The following DLG2 variants were observed in gnomAD, a reference collection of about 807,000 sequenced individuals.
DLG2 encodes the protein disks large homolog 2.
DLG2 carries 45 observed loss-of-function variants against 132.5 expected under a neutral mutation model. The observed-to-expected ratio is 0.34, with a 90% CI of 0.27 to 0.44. DLG2 has a LOEUF of 0.44. DLG2 is among the 20% of genes least tolerant of loss of function. The pLI, the probability that DLG2 is intolerant of heterozygous loss-of-function variation, is 1.00. For synonymous variants in DLG2, 424 were observed against 419.6 expected (o/e 1.01, Z -0.13); for missense variants, 1,045 against 1,196.9 (o/e 0.87, Z 1.87).
intron 8 of DLG2, among the ~76,000 whole-genome samples, chr11:84,172,436 A>G (rs71468362): frequency 0.057 from 8,665 of 152,220 alleles, 305 homozygotes; most frequent in African/African-American, 0.089. Context: ...TCTTAATTAC[A>G]AAAACTTCCG....
At chr11:84,333,861 GAAT>G (rs1210577716) in intron 7 of DLG2, among the ~76,000 whole-genome samples, 3 of 152,296 alleles carry the variant, frequency 2.0e-5, no homozygotes, top group African/African-American at 7.2e-5. Flanking sequence ...AAGTGCCTGA[GAAT>G]ATTATTGTCA....
At chr11:83,771,805 G>C (rs1388858969) in intron 18 of DLG2, among the ~76,000 whole-genome samples, 1 of 152,140 alleles carries the variant, frequency 6.6e-6, no homozygotes, top group Non-Finnish European at 1.5e-5. Context: ...TCTTCTGAGT[G>C]ACCTTCAACA....
chr11:84,390,601 A>G (rs1428607561), intron 7 of DLG2, among the ~76,000 whole-genome samples: 1 of 152,140 alleles, frequency 6.6e-6, no homozygotes. Flanking sequence ...AGCAGCATCT[A>G]TGGAATGTGA....
intron 19 of DLG2, among the ~76,000 whole-genome samples, chr11:83,583,029 G>T (rs1410447730): frequency 1.3e-5 from 2 of 152,184 alleles, no homozygotes; most frequent in Non-Finnish European, 2.9e-5. Flanking sequence ...AGGGTGTCTG[G>T]CTCTAAAGCT....
chr11:85,395,679 G>A (rs530293820), intron 3 of DLG2, among the ~76,000 whole-genome samples: 5 of 152,032 alleles, frequency 3.3e-5, no homozygotes, highest in Admixed American at 3.3e-4. Context: ...AGATTGACCT[G>A]CAATGCTGCA....
At chr11:84,045,234 G>A (rs1039152845) in intron 11 of DLG2, among the ~76,000 whole-genome samples, 10 of 151,530 alleles carry the variant, frequency 6.6e-5, no homozygotes, top group African/African-American at 2.4e-4. Context: ...TATGTGCTGG[G>A]TAACATATGC....
At chr11:85,069,879 A>C (rs920266319) in intron 6 of DLG2, among the ~76,000 whole-genome samples, 2 of 152,248 alleles carry the variant, frequency 1.3e-5, no homozygotes, top group African/African-American at 2.4e-5. Context: ...CACTATTCAC[A>C]ATAGCAAAGA....
At chr11:85,182,060 T>C (rs1466015964) in intron 4 of DLG2, among the ~76,000 whole-genome samples, 1 of 152,014 alleles carries the variant, frequency 6.6e-6, no homozygotes, top group Non-Finnish European at 1.5e-5. Flanking sequence ...TTTTTATTTT[T>C]TGAATACATT....
At chr11:84,976,830 T>C (rs532525236) in intron 6 of DLG2, among the ~76,000 whole-genome samples, 11 of 152,312 alleles carry the variant, frequency 7.2e-5, no homozygotes, top group Non-Finnish European at 1.3e-4. Context: ...AATTTTTCTA[T>C]ATTTTAATCG....
chr11:84,176,846 C>T, intron 8 of DLG2, among the ~76,000 whole-genome samples: 1 of 152,068 alleles, frequency 6.6e-6, no homozygotes, highest in East Asian at 1.9e-4. Context: ...AAGCATAGCT[C>T]ACTGCTGCTT....
chr11:84,893,221 G>C (rs1319496718), intron 6 of DLG2, among the ~76,000 whole-genome samples: 1 of 152,212 alleles, frequency 6.6e-6, no homozygotes, highest in South Asian at 2.1e-4. Context: ...GAGCTTGTAG[G>C]ATCAAGGGGA....
At chr11:84,645,050 A>G (rs1335010300) in intron 6 of DLG2, among the ~76,000 whole-genome samples, 3 of 152,190 alleles carry the variant, frequency 2.0e-5, no homozygotes, top group African/African-American at 7.2e-5. Context: ...TGGAAAATTT[A>G]CCGAAGAGTT....
chr11:83,464,450 C>G (rs2090634714), intron 26 of DLG2, among the ~76,000 whole-genome samples: 1 of 152,164 alleles, frequency 6.6e-6, no homozygotes, highest in East Asian at 1.9e-4. Flanking sequence ...GAGTAAAAGC[C>G]TTGGAAAAGA....
At chr11:84,863,342 C>T (rs1255531688) in intron 6 of DLG2, among the ~76,000 whole-genome samples, 1 of 152,052 alleles carries the variant, frequency 6.6e-6, no homozygotes, top group Non-Finnish European at 1.5e-5. Context: ...TGACAATTTT[C>T]CTGGATAAAC....
chr11:83,892,012 C>T (rs748957579), intron 15 of DLG2, among the ~76,000 whole-genome samples: 6 of 152,126 alleles, frequency 3.9e-5, no homozygotes, highest in Non-Finnish European at 8.8e-5. Context: ...AGAGTTATCA[C>T]CCTCATTGTA....
intron 3 of DLG2, among the ~76,000 whole-genome samples, chr11:85,398,926 C>T (rs1208212999): frequency 2.6e-5 from 4 of 151,772 alleles, no homozygotes; most frequent in Non-Finnish European, 5.9e-5. Flanking sequence ...TATGTTCTGG[C>T]CAGGGCAATT....
intron 18 of DLG2, among the ~76,000 whole-genome samples, chr11:83,708,765 T>C (rs1393901149): frequency 6.6e-6 from 1 of 152,124 alleles, no homozygotes; most frequent in Admixed American, 6.6e-5. Flanking sequence ...ATCCTTTTTT[T>C]TAATGGGATA....
At chr11:84,166,528 A>T (rs985037412) in intron 8 of DLG2, among the ~76,000 whole-genome samples, 2 of 151,396 alleles carry the variant, frequency 1.3e-5, no homozygotes, top group Non-Finnish European at 2.9e-5. Context: ...AAAGAAAAGA[A>T]AGAAAGAAAG....
intron 7 of DLG2, among the ~76,000 whole-genome samples, chr11:84,428,518 A>G (rs1258614190): frequency 6.6e-6 from 1 of 152,204 alleles, no homozygotes; most frequent in Admixed American, 6.5e-5. Context: ...TATGGTTTCC[A>G]GTGAGCTCTC....
Sources: allele counts gnomAD v4.1 joint callset (sites outside exome capture counted in the v4.1 genomes callset), GRCh38; gene constraint gnomAD v4.1.1; transcripts MANE v1.5; gene names NCBI Gene and HGNC (gene_info 2026-07-23, HGNC 2026-07-21).